Variants in GSG1L observed in about 807,000 individuals in gnomAD.
GSG1L encodes the protein GSG1 like.
GSG1L carries 24 observed loss-of-function variants against 42.1 expected under a neutral mutation model. The ratio of observed to expected loss-of-function variants is 0.57; its 90% CI spans 0.41 to 0.80. GSG1L has a LOEUF of 0.80. GSG1L is among the 30% of genes least tolerant of loss of function. The pLI, the probability that GSG1L is intolerant of heterozygous loss-of-function variation, is 0.00. For synonymous variants in GSG1L, 215 were observed against 203.5 expected (o/e 1.06, Z -0.48); for missense variants, 445 against 472.2 (o/e 0.94, Z 0.53).
At chr16:28,048,332 C>T (rs527881484) in intron 1 of GSG1L, among the ~76,000 whole-genome samples, 12 of 150,896 alleles carry the variant, frequency 8.0e-5, no homozygotes, top group South Asian at 4.2e-4. Context: ...AAAACATTTA[C>T]GAAAAAAAAA....
intron 1 of GSG1L, among the ~76,000 whole-genome samples, chr16:27,980,570 C>A (rs1323203837): frequency 6.6e-6 from 1 of 152,204 alleles, no homozygotes; most frequent in Non-Finnish European, 1.5e-5. Context: ...CCTATGACCA[C>A]ACCCATTTTA....
At chr16:28,000,701 G>A (rs1345847269) in intron 1 of GSG1L, among the ~76,000 whole-genome samples, 2 of 152,134 alleles carry the variant, frequency 1.3e-5, no homozygotes, top group African/African-American at 2.4e-5. Flanking sequence ...CACTCTCAGA[G>A]TGTCATTTCT....
At chr16:27,835,739 T>C (rs1031785052) in intron 4 of GSG1L, among the ~76,000 whole-genome samples, 8 of 152,146 alleles carry the variant, frequency 5.3e-5, no homozygotes, top group Non-Finnish European at 8.8e-5. Context: ...AGTCTACTGG[T>C]GTCAACATTT....
intron 2 of GSG1L, among the ~76,000 whole-genome samples, chr16:27,917,727 C>T (rs886461617): frequency 6.6e-6 from 1 of 152,212 alleles, no homozygotes; most frequent in Non-Finnish European, 1.5e-5. Flanking sequence ...TTATATCAGA[C>T]TTCTCTTAGT....
intron 1 of GSG1L, among the ~76,000 whole-genome samples, chr16:27,979,726 G>GGAAGGAAGGAAGGAAGGATA (rs1491436872): frequency 1.9e-5 from 1 of 53,584 alleles, no homozygotes; most frequent in Non-Finnish European, 3.4e-5. Flanking sequence ...AAGGAAGGAA[G>GGAAGGAAGGAAGGAAGGATA]GAAAGAAAAA....
At chr16:27,856,839 G>C (rs2083585178) in intron 3 of GSG1L, among the ~76,000 whole-genome samples, 1 of 152,216 alleles carries the variant, frequency 6.6e-6, no homozygotes, top group Non-Finnish European at 1.5e-5. Context: ...TGAAGCAGGA[G>C]AGATGCGGAT....
In GSG1L at chr16:27,828,938, A is replaced by G; in HGVS notation, c.681T>C (p.Phe227=). 2.5e-6 allele frequency: 4 copies of G among 1,614,162 alleles called. No individual in the cohort carries two copies. Among genetic ancestry groups the G allele is most frequent in the Non-Finnish European group, 3.4e-6 (4 of 1,179,998 alleles). The change falls in exon 5 of 7, where the codon TTT becomes TTC. Residue 227 remains phenylalanine, a synonymous_variant. Transcript: ENST00000447459. ...TGACAGAGGCTGCCATGCAGCAGGT[A>G]AAGGAGCCCCACGCCAGGCTGCCAA... ...GWSFCLAWGS[F]TCCMAASVTT... is the part of the protein sequence containing the mutation.
intron 2 of GSG1L, among the ~76,000 whole-genome samples, chr16:27,916,112 C>T (rs2084452073): frequency 6.6e-6 from 1 of 152,154 alleles, no homozygotes; most frequent in African/African-American, 2.4e-5. Context: ...ACCCCTGAGA[C>T]ACCCAATGAG....
intron 1 of GSG1L, among the ~76,000 whole-genome samples, chr16:28,003,537 T>C (rs2085602823): frequency 6.6e-6 from 1 of 152,234 alleles, no homozygotes; most frequent in African/African-American, 2.4e-5. Flanking sequence ...TCAGGTCACA[T>C]GTCCAGCTCT....
chr16:28,015,711 A>G (rs976971871), intron 1 of GSG1L, among the ~76,000 whole-genome samples: 2 of 152,222 alleles, frequency 1.3e-5, no homozygotes, highest in African/African-American at 4.8e-5. Context: ...GATTTTCTCC[A>G]GCACATTAAT....
intron 1 of GSG1L, among the ~76,000 whole-genome samples, chr16:27,979,713 A>ATG (rs1567542905): frequency 4.7e-5 from 3 of 64,140 alleles, no homozygotes; most frequent in African/African-American, 1.2e-4. Context: ...GAAGGAAGGA[A>ATG]GGAAGGAAGG....
intron 6 of GSG1L, among the ~76,000 whole-genome samples, chr16:27,793,745 CCCT>C (rs1394459003): frequency 6.6e-6 from 1 of 152,192 alleles, no homozygotes; most frequent in African/African-American, 2.4e-5. Context: ...AGGACTGGGG[CCCT>C]CCTCCCTTTC....
intron 6 of GSG1L, among the ~76,000 whole-genome samples, chr16:27,803,786 TATATATATAGATAGATAGATATAG>T (rs2082914261): frequency 2.4e-5 from 2 of 82,310 alleles, no homozygotes; most frequent in African/African-American, 1.1e-4. Flanking sequence ...TATATATATA[TATATATATAGATAGATAGATATAG>T]ATATAGATAT....
intron 1 of GSG1L, among the ~76,000 whole-genome samples, chr16:28,053,516 C>G (rs943710151): frequency 2.0e-5 from 3 of 152,170 alleles, no homozygotes; most frequent in Admixed American, 6.5e-5. Flanking sequence ...TCTTCTTCAT[C>G]CGTCTGGATG....
At chr16:28,002,801 G>A (rs990460211) in intron 1 of GSG1L, among the ~76,000 whole-genome samples, 1 of 150,326 alleles carries the variant, frequency 6.7e-6, no homozygotes, top group Admixed American at 6.6e-5. Context: ...GCCAGGAGTG[G>A]TGGCGGGCGC....
chr16:28,028,990 C>G (rs1282463426), intron 1 of GSG1L, among the ~76,000 whole-genome samples: 1 of 152,158 alleles, frequency 6.6e-6, no homozygotes, highest in Non-Finnish European at 1.5e-5. Context: ...TGGCAGGGCA[C>G]CAGGCGACCC....
At chr16:28,024,853 G>C (rs1168632444) in intron 1 of GSG1L, among the ~76,000 whole-genome samples, 1 of 152,206 alleles carries the variant, frequency 6.6e-6, no homozygotes, top group Non-Finnish European at 1.5e-5. Flanking sequence ...GGCTGAGCAG[G>C]GCTGCATCGA....
chr16:27,797,685 G>C (rs1457331448), intron 6 of GSG1L, among the ~76,000 whole-genome samples: 1 of 151,570 alleles, frequency 6.6e-6, no homozygotes, highest in African/African-American at 2.4e-5. Flanking sequence ...AGCCAGGCAT[G>C]GTGGTGGGCA....
At chr16:27,873,669 G>T (rs1217403328) in intron 3 of GSG1L, among the ~76,000 whole-genome samples, 1 of 152,182 alleles carries the variant, frequency 6.6e-6, no homozygotes, top group African/African-American at 2.4e-5. Context: ...CAGCCCAGGG[G>T]GATGGGGGCT....
Sources: allele counts gnomAD v4.1 joint callset (sites outside exome capture counted in the v4.1 genomes callset), GRCh38; gene constraint gnomAD v4.1.1; transcripts MANE v1.5; gene names NCBI Gene and HGNC (gene_info 2026-07-23, HGNC 2026-07-21).